The following SLC1A5 variants were observed in gnomAD, a reference collection of about 807,000 sequenced individuals.
The protein encoded by SLC1A5 is neutral amino acid transporter B(0).
A neutral mutation model predicts 34.9 loss-of-function variants in SLC1A5; 25 were observed. That is an observed-to-expected ratio of 0.72 (90% CI 0.52 to 1.00). The LOEUF is 1.00. Ranked by LOEUF, SLC1A5 falls within the 50% of genes least tolerant of loss-of-function variation. The pLI, the probability that SLC1A5 is intolerant of heterozygous loss-of-function variation, is 0.00. For missense variants in SLC1A5, 637 were observed against 740.0 expected (o/e 0.86, Z 1.61); for synonymous variants, 351 against 341.2 (o/e 1.03, Z -0.32).
intron 3 of SLC1A5, among the ~76,000 whole-genome samples, chr19:46,783,765 T>TG (rs2055165667): frequency 6.6e-6 from 1 of 152,060 alleles, no homozygotes; most frequent in South Asian, 2.1e-4. Context: ...CCAGCCTGAA[T>TG]GATGGAGAGA....
Position 46,787,727 on chromosome 19 carries a change from G to A in SLC1A5, c.239C>T (p.Ala80Val), listed in dbSNP as rs766610029. ...GGCGCTCAAGCGCTCCGGGCCCAAC[G>A]CCAGCGCACCCCCGGCCCCCGACAC... is the stretch of plus-strand genomic sequence containing the variant. Reference protein sequence around the residue: ...LGVSGAGGALALGPERLSAFV... With the variant: ...LGVSGAGGALVLGPERLSAFV... Residue 80 changes from alanine (A) to valine (V), a missense_variant, in exon 1 of 8, where the codon GCG becomes GTG. By Grantham distance (64) the Ala-to-Val change is moderately conservative. Transcript: ENST00000542575. This position sits in a 1 kb window ranked among gnomAD's most constrained non-coding sequence, Gnocchi z 5.2. 8 of 1,566,942 alleles carry A rather than the reference G, an allele frequency of 5.1e-6. No homozygotes were observed. Among genetic ancestry groups the A allele is most frequent in the Non-Finnish European group, 6.9e-6 (8 of 1,160,520 alleles).
At chr19:46,783,678 G>A (rs1158853424) in intron 3 of SLC1A5, among the ~76,000 whole-genome samples, 1 of 152,050 alleles carries the variant, frequency 6.6e-6, no homozygotes, top group African/African-American at 2.4e-5. Context: ...CACAGCTACT[G>A]GGAAGGCTGA....
At position 46,784,520 on chromosome 19, in the gene SLC1A5, G is replaced by A. The variant is rs776800249; in HGVS notation, c.606C>T (p.Arg202=). The change falls in exon 2 of 8, where the codon CGC becomes CGT. Residue 202 remains arginine, a synonymous_variant. Coordinates refer to ENST00000542575, the MANE Select transcript of SLC1A5 (RefSeq NM_005628.3). The part of the protein sequence containing the change: ...FPSNLVSAAF[R]SYSTTYEERN... ...CAGGACACCCCTGAGGACTCACTGA[G>A]CGAAAGGCTGCTGACACCAGGTTGG... 15 of 1,614,086 alleles carry A rather than the reference G, an allele frequency of 9.3e-6. No individual in the cohort carries two copies. In the East Asian group the frequency reaches 3.3e-4, roughly 36 times the overall value.
chr19:46,777,401 CG>C lies in SLC1A5; in HGVS notation c.1062del (p.Ala355ProfsTer5). On this transcript the variant is annotated frameshift_variant, in exon 6 of 8. Transcript: ENST00000542575. LOFTEE classifies it high-confidence loss of function. ...LATAFGTSSS[S>X]ATLPLMMKCV... ...CACTTCATCATCAGCGGCAGCGTGG[CG>C]GAACTGCAAGGGATGGGGGAGCTGA... 6.2e-7 allele frequency: 1 copy of C among 1,605,954 alleles called. No homozygotes were observed. The highest frequency in any genetic ancestry group is 8.5e-7 in the Non-Finnish European group (1 of 1,175,930).
intron 5 of SLC1A5, among the ~76,000 whole-genome samples, chr19:46,778,247 G>A (rs2055112759): frequency 6.6e-6 from 1 of 152,118 alleles, no homozygotes; most frequent in Non-Finnish European, 1.5e-5. Context: ...TGGCCAACAT[G>A]GCGAAACCCC....
intron 3 of SLC1A5, among the ~76,000 whole-genome samples, chr19:46,783,212 A>G (rs77702783): frequency 6.6e-6 from 1 of 151,938 alleles, no homozygotes; most frequent in Non-Finnish European, 1.5e-5. Flanking sequence ...GCCTGTAATC[A>G]CAGCACTTTG....
At chr19:46,785,101 C>T (rs1423789317) in intron 1 of SLC1A5, among the ~76,000 whole-genome samples, 1 of 152,046 alleles carries the variant, frequency 6.6e-6, no homozygotes, top group African/African-American at 2.4e-5. Context: ...GTAGCTAAGG[C>T]CAAGGCGCCA....
intron 4 of SLC1A5, 32 bp downstream of exon 4, chr19:46,782,351 A>ACCCCCCCCCCCCCCCC: frequency 1.2e-5 from 3 of 256,186 alleles, no homozygotes; most frequent in East Asian, 7.3e-5. Flanking sequence ...CTCCAACCCC[A>ACCCCCCCCCCCCCCCC]CCCACCCCCA....
Position 46,775,050 on chromosome 19 carries a change from A to T in SLC1A5, c.*460T>A. 7.6e-6 allele frequency: 7 copies of T among 923,310 alleles called. No individual in the cohort carries two copies. Among genetic ancestry groups the T allele is most frequent in the Non-Finnish European group, 8.7e-6 (7 of 807,912 alleles). 57.2% of individuals were successfully genotyped at this position (923,310 alleles called of 1,614,324 possible). A position where few individuals can be genotyped will look rare whatever the true frequency, so the allele number is the denominator to read the frequency against. ...ACGTACCATGGGGACAGGAGGTCAC[A>T]GAACACACACACACACACACACACA... On this transcript the variant is annotated 3_prime_UTR_variant, in exon 8 of 8. Transcript: ENST00000542575.
At position 46,775,432 on chromosome 19, in the gene SLC1A5, C is replaced by A; in HGVS notation, c.*78G>T. Reference sequence around the variant, plus strand: ...TGCAGGCAGACCCCCAGAGCCCTAGCTCATCCATTTATCCATTCCTCATAA... The same window carrying A: ...TGCAGGCAGACCCCCAGAGCCCTAGATCATCCATTTATCCATTCCTCATAA... On this transcript the variant is annotated 3_prime_UTR_variant, in exon 8 of 8. Transcript: ENST00000542575. 3 of 1,537,102 alleles carry A rather than the reference C, an allele frequency of 2.0e-6. No individual in the cohort carries two copies. In the Admixed American group the frequency reaches 6.1e-5, roughly 31 times the overall value.
At chr19:46,782,629 C>G (rs2055156504) in intron 3 of SLC1A5, 80 bp from the exon 4 acceptor site, 19 of 1,541,906 alleles carry the variant, frequency 1.2e-5, no homozygotes, top group Admixed American at 1.8e-5. Flanking sequence ...CTTGGCACCA[C>G]TGGGACCCAG....
chr19:46,788,231 C>G lies in SLC1A5; in HGVS notation c.-266G>C. 2.2e-6 allele frequency: 1 copy of G among 453,970 alleles called. No individual in the cohort carries two copies. Among genetic ancestry groups the G allele is most frequent in the Non-Finnish European group, 3.9e-6 (1 of 259,558 alleles). The allele number at this position is 453,970 out of a possible 1,614,324, so 28.1% of individuals were successfully genotyped here. A position where few individuals can be genotyped will look rare whatever the true frequency, so the allele number is the denominator to read the frequency against. Reference sequence around the variant, plus strand: ...TCCGAAAGCTGGGAGTTCGGAGCGCCCGGGTTCCTTGGCCCTAGGAGCTGG... The same window carrying G: ...TCCGAAAGCTGGGAGTTCGGAGCGCGCGGGTTCCTTGGCCCTAGGAGCTGG... On this transcript the variant is annotated 5_prime_UTR_variant, in exon 1 of 8. Coordinates refer to ENST00000542575, the MANE Select transcript of SLC1A5 (RefSeq NM_005628.3).
intron 1 of SLC1A5, chr19:46,784,885 A>T: frequency 4.4e-6 from 6 of 1,351,254 alleles, no homozygotes; most frequent in Non-Finnish European, 5.7e-6. Context: ...CATGCAGCAA[A>T]CTTAATACCC....
At position 46,777,026 on chromosome 19, in the gene SLC1A5, A is replaced by C; in HGVS notation, c.1337T>G (p.Val446Gly). Residue 446 changes from valine (V) to glycine (G), a missense_variant, in exon 7 of 8, where the codon GTC (valine) becomes GGC (glycine). Transcript: ENST00000542575. ...VLTLAIILEAVNLPVDHISLI... is the reference protein window; with the variant it reads ...VLTLAIILEAGNLPVDHISLI... The stretch of plus-strand genomic sequence containing the variant: ...GGAGATATGGTCGACCGGGAGGTTG[A>C]CTGCTTCGAGGATGATGGCCAGAGT... 1 of 1,614,004 alleles carries C rather than the reference A, an allele frequency of 6.2e-7. No individual in the cohort carries two copies. The highest frequency in any genetic ancestry group is 8.5e-7 in the Non-Finnish European group (1 of 1,180,000).
In SLC1A5 at chr19:46,775,581, G is replaced by T. The variant is rs1200589752; in HGVS notation, c.1555C>A (p.Pro519Thr). ...GGCCCCCGATAGTGTTTGAGGAGGG[G>T]GTTTCCTTCCTCAGTGGGGACTGGC... ...PLPVPTEEGN[P>T]LLKHYRGPAG... The change falls in exon 8 of 8, where the codon CCC becomes ACC. Residue 519 changes from proline to threonine, a missense_variant. By Grantham distance (38) the Pro-to-Thr change is conservative. Coordinates refer to ENST00000542575, the MANE Select transcript of SLC1A5 (RefSeq NM_005628.3). 1 of 1,614,144 alleles carries T rather than the reference G, an allele frequency of 6.2e-7. No individual in the cohort carries two copies. Among genetic ancestry groups the T allele is most frequent in the Non-Finnish European group, 8.5e-7 (1 of 1,180,008 alleles).
chr19:46,781,193 C>A (rs2055143280), intron 4 of SLC1A5, among the ~76,000 whole-genome samples: 1 of 152,158 alleles, frequency 6.6e-6, no homozygotes, highest in Admixed American at 6.5e-5. Flanking sequence ...CAATGAGATG[C>A]CAGTTGAAAG....
At position 46,787,935 on chromosome 19, in the gene SLC1A5, C is replaced by T; in HGVS notation, c.31G>A (p.Gly11Arg). MVADPPRDSK[G>R]LAAAEPTANG... The stretch of plus-strand genomic sequence containing the variant: ...GCGGTGGGCTCCGCCGCTGCGAGCC[C>T]CTTGGAGTCTCGAGGAGGATCGGCC... Residue 11 changes from glycine to arginine, a missense_variant, in exon 1 of 8, where the codon GGG (glycine) becomes AGG (arginine). Coordinates refer to ENST00000542575, the MANE Select transcript of SLC1A5 (RefSeq NM_005628.3). This position sits in a 1 kb window ranked among gnomAD's most constrained non-coding sequence, Gnocchi z 5.2. The T allele has an allele frequency of 6.3e-7, 1 of 1,575,540 alleles. No homozygotes were observed. The highest frequency in any genetic ancestry group is 8.6e-7 in the Non-Finnish European group (1 of 1,163,354).
In SLC1A5 at chr19:46,782,428, T is replaced by G. The variant is rs201988780; in HGVS notation, c.779A>C (p.Asn260Thr). 5 of 1,539,446 alleles carry G rather than the reference T, an allele frequency of 3.2e-6. No individual in the cohort carries two copies. In the Middle Eastern group the frequency reaches 7.0e-4, roughly 214 times the overall value. ...PEGELLIRFF[N>T]SFNEATMVLV... ...AACCATGGTGGCCTCATTGAAGGAGTTGAAGAAGCGGATAAGCAGCTCCCC... is the reference window on the plus strand; with the variant it reads ...AACCATGGTGGCCTCATTGAAGGAGGTGAAGAAGCGGATAAGCAGCTCCCC... Residue 260 changes from asparagine (N) to threonine (T), a missense_variant, in exon 4 of 8, where the codon AAC becomes ACC. Physicochemically the swap from Asn to Thr is moderately conservative, Grantham distance 65 (BLOSUM62 0). Coordinates refer to ENST00000542575, the MANE Select transcript of SLC1A5 (RefSeq NM_005628.3).
At position 46,788,218 on chromosome 19, in the gene SLC1A5, G is replaced by C; in HGVS notation, c.-253C>G. ...CGTGTGCCAGATGTCCGAAAGCTGG[G>C]AGTTCGGAGCGCCCGGGTTCCTTGG... On this transcript the variant is annotated 5_prime_UTR_variant, in exon 1 of 8. Coordinates refer to ENST00000542575, the MANE Select transcript of SLC1A5 (RefSeq NM_005628.3). 1 of 468,554 alleles carries C rather than the reference G, an allele frequency of 2.1e-6. No individual in the cohort carries two copies. Among genetic ancestry groups the C allele is most frequent in the South Asian group, 4.0e-5 (1 of 25,004 alleles). The allele number at this position is 468,554 out of a possible 1,614,324, so 29.0% of individuals were successfully genotyped here.
Sources: allele counts gnomAD v4.1 joint callset (sites outside exome capture counted in the v4.1 genomes callset), GRCh38; gene constraint gnomAD v4.1.1; non-coding constraint Gnocchi (gnomAD v3.1); transcripts MANE v1.5; gene names NCBI Gene and HGNC (gene_info 2026-07-23, HGNC 2026-07-21).